RABGAP1L: variants seen among roughly 807,000 people sequenced by gnomAD.
RABGAP1L encodes rab GTPase-activating protein 1-like.
In RABGAP1L, 63 loss-of-function variants were observed where a neutral mutation model predicts 137.7. The observed-to-expected ratio is 0.46, with a 90% CI of 0.37 to 0.56. RABGAP1L has a LOEUF of 0.56. Ranked by LOEUF, RABGAP1L falls within the 20% of genes least tolerant of loss-of-function variation. The pLI is 0.00. For synonymous variants in RABGAP1L, 431 were observed against 433.7 expected (o/e 0.99, Z 0.08); for missense variants, 1,095 against 1,244.0 (o/e 0.88, Z 1.80).
At chr1:174,166,405 T>C (rs1664914019) in intron 1 of RABGAP1L, among the ~76,000 whole-genome samples, 1 of 152,222 alleles carries the variant, frequency 6.6e-6, no homozygotes, top group Admixed American at 6.5e-5. Context: ...TATACAGATC[T>C]GCAGCTAAGC....
At chr1:174,322,593 A>C (rs539666713) in intron 11 of RABGAP1L, among the ~76,000 whole-genome samples, 1 of 152,316 alleles carries the variant, frequency 6.6e-6, no homozygotes, top group African/African-American at 2.4e-5. Context: ...CAAGAGACCA[A>C]GGTGAAAGTT....
intron 18 of RABGAP1L, among the ~76,000 whole-genome samples, chr1:174,806,417 T>A (rs888971710): frequency 3.3e-5 from 5 of 152,040 alleles, no homozygotes; most frequent in Non-Finnish European, 7.4e-5. Context: ...CTGGGCAACA[T>A]AGCAAAACCC....
intron 7 of RABGAP1L, among the ~76,000 whole-genome samples, chr1:174,265,428 G>T (rs536613602): frequency 6.6e-6 from 1 of 151,640 alleles, no homozygotes; most frequent in East Asian, 1.9e-4. Context: ...TTTGAAGGGA[G>T]TTAGTAAAAG....
chr1:174,564,144 A>G (rs1667410330), intron 13 of RABGAP1L, among the ~76,000 whole-genome samples: 1 of 152,154 alleles, frequency 6.6e-6, no homozygotes, highest in Non-Finnish European at 1.5e-5. Flanking sequence ...TGTTCCCAAA[A>G]CACAAAGATG....
chr1:174,260,068 C>T lies in RABGAP1L; in HGVS notation c.986+7478C>T, dbSNP rs549974041. Among the ~76,000 whole-genome samples the T allele has an allele frequency of 3.3e-5, 5 of 152,114 alleles. No homozygotes were observed. The East Asian group carries it at 5.8e-4, about 18-fold the overall frequency. On this transcript the variant is annotated intron_variant, in intron 7 of 25. Transcript: ENST00000681986. ...CAGGCTGGTCTTGAACTCCTGACCT[C>T]GTGATCTGCCCGCCTCAGCCTCCCA...
chr1:174,321,201 G>A (rs1005617633), intron 11 of RABGAP1L, among the ~76,000 whole-genome samples: 2 of 152,292 alleles, frequency 1.3e-5, no homozygotes, highest in East Asian at 1.9e-4. Context: ...CAGACTGATT[G>A]TCTGCCTTCA....
chr1:174,967,296 T>C (rs977174210), intron 20 of RABGAP1L, among the ~76,000 whole-genome samples: 1 of 151,032 alleles, frequency 6.6e-6, no homozygotes, highest in Non-Finnish European at 1.5e-5. Context: ...CCCCAGTAGC[T>C]GGGATCATGT....
Position 174,312,601 on chromosome 1 carries a change from C to T in RABGAP1L, c.1465+7474C>T, listed in dbSNP as rs72713523. ...CCTTTGCTGTGCAGAAGCTTTCTAA[C>T]TTGATACGGTCTCATTTGTTCATGT... On this transcript the variant is annotated intron_variant, in intron 11 of 25. Coordinates refer to ENST00000681986, the MANE Select transcript of RABGAP1L (RefSeq NM_001366446.1). 5.5e-3 allele frequency among the ~76,000 whole-genome samples: 842 copies of T among 152,280 alleles called. 4 individuals are homozygous for T. Among genetic ancestry groups the T allele is most frequent in the Non-Finnish European group, 8.4e-3 (574 of 68,028 alleles).
intron 19 of RABGAP1L, among the ~76,000 whole-genome samples, chr1:174,935,854 G>T (rs2149272930): frequency 6.6e-6 from 1 of 152,128 alleles, no homozygotes. Flanking sequence ...GGTGGCACAT[G>T]CCTGTAATCC....
chr1:174,918,300 T>C (rs1344312455), intron 19 of RABGAP1L, among the ~76,000 whole-genome samples: 1 of 152,200 alleles, frequency 6.6e-6, no homozygotes, highest in African/African-American at 2.4e-5. Flanking sequence ...TTTCTATGAT[T>C]CTGTAGCTCT....
chr1:174,178,337 G>A (rs79936019), intron 1 of RABGAP1L, among the ~76,000 whole-genome samples: 6 of 152,042 alleles, frequency 3.9e-5, no homozygotes, highest in Non-Finnish European at 7.4e-5. Flanking sequence ...AGACTTTGCC[G>A]AAGTTGCTTA....
chr1:174,219,904 A>G (rs911733516), intron 2 of RABGAP1L, among the ~76,000 whole-genome samples: 3 of 152,220 alleles, frequency 2.0e-5, no homozygotes, highest in Non-Finnish European at 4.4e-5. Flanking sequence ...AAAAGTAGTT[A>G]AAAGTGCTAT....
chr1:174,712,634 G>A (rs1382454922), intron 17 of RABGAP1L, among the ~76,000 whole-genome samples: 2 of 152,138 alleles, frequency 1.3e-5, no homozygotes, highest in Admixed American at 6.5e-5. Flanking sequence ...CACCAATTCC[G>A]GACACAGTGG....
At chr1:174,845,959 G>C (rs1694001724) in intron 19 of RABGAP1L, among the ~76,000 whole-genome samples, 3 of 137,008 alleles carry the variant, frequency 2.2e-5, no homozygotes, top group African/African-American at 8.2e-5. Context: ...TCTTGGGAGA[G>C]TGTATGTGTC....
chr1:174,167,690 G>A (rs1353429555), intron 1 of RABGAP1L, among the ~76,000 whole-genome samples: 1 of 152,102 alleles, frequency 6.6e-6, no homozygotes, highest in Non-Finnish European at 1.5e-5. Context: ...TTAGCAGTAA[G>A]CAAAATTAGA....
At chr1:174,365,214 C>G (rs1362559763) in intron 11 of RABGAP1L, 1 of 152,344 alleles carries the variant, frequency 6.6e-6, no homozygotes, top group Non-Finnish European at 1.5e-5. Flanking sequence ...AAAGCCATCT[C>G]TGTCTGTTTT....
intron 19 of RABGAP1L, among the ~76,000 whole-genome samples, chr1:174,831,964 G>A (rs577236620): frequency 6.8e-6 from 1 of 147,776 alleles, no homozygotes; most frequent in African/African-American, 2.5e-5. Flanking sequence ...GAATACAAAA[G>A]AAAATTCAAA....
At chr1:174,176,733 A>ATAAAT (rs1247002531) in intron 1 of RABGAP1L, among the ~76,000 whole-genome samples, 1 of 142,356 alleles carries the variant, frequency 7.0e-6, no homozygotes, top group Non-Finnish European at 1.5e-5. Flanking sequence ...AAAAAAAAAA[A>ATAAAT]AAAAAAAAAA....
At chr1:174,890,932 C>T (rs1656037121) in intron 19 of RABGAP1L, among the ~76,000 whole-genome samples, 1 of 152,138 alleles carries the variant, frequency 6.6e-6, no homozygotes, top group African/African-American at 2.4e-5. Flanking sequence ...TACAATACTG[C>T]AGTGAGTAAT....
Sources: gnomAD v4.1 joint callset for allele counts (sites outside exome capture counted in the v4.1 genomes callset) on GRCh38, gnomAD v4.1.1 for gene constraint, MANE v1.5 for transcripts, NCBI Gene and HGNC (gene_info 2026-07-23, HGNC 2026-07-21) for gene names.